The following L1CAM variants were observed in gnomAD, a reference collection of about 807,000 sequenced individuals.
The protein encoded by L1CAM is neural cell adhesion molecule L1.
Under a neutral mutation model 93.0 loss-of-function variants are expected in L1CAM, and 8 were observed. The observed-to-expected ratio is 0.09, with a 90% CI of 0.05 to 0.16. L1CAM has a LOEUF of 0.16. L1CAM is among the 10% of genes least tolerant of loss of function. The pLI, the probability that L1CAM is intolerant of heterozygous loss-of-function variation, is 1.00. For synonymous variants in L1CAM, 453 were observed against 453.0 expected (o/e 1.00, Z 0.00); for missense variants, 777 against 1,073.4 (o/e 0.72, Z 3.86).
At position 153,863,460 on chromosome X, in the gene L1CAM, C is replaced by T. The variant is rs1414585866; in HGVS notation, c.3530+17G>A. On this transcript the variant is annotated intron_variant, in intron 27 of 28. Coordinates refer to ENST00000370060, the MANE Select transcript of L1CAM (RefSeq NM_001278116.2). ...GGGTGGAGCTGAGTGCCAGCACCCA[C>T]TCCTGCCCCGGCTCACCTGTACTCG... 5 of 1,208,563 alleles carry T rather than the reference C, an allele frequency of 4.1e-6. No individual in the cohort carries two copies. The highest frequency in any genetic ancestry group is 4.5e-6 in the Non-Finnish European group (4 of 893,855).
Position 153,864,839 on chromosome X carries a change from C to T in L1CAM, c.3028G>A (p.Gly1010Ser), listed in dbSNP as rs2148493567. 8.2e-7 allele frequency: 1 copy of T among 1,212,366 alleles called. No individual in the cohort carries two copies. Among genetic ancestry groups the T allele is most frequent in the Non-Finnish European group, 1.1e-6 (1 of 895,609 alleles). ...AGCTTACCAGACAAGGCCATAGTGC[C>T]TCCTTCCCGTACGATGGCTTCACCA... ...GPGEAIVREG[G>S]TMALSGISDF... The change falls in exon 23 of 29, where the codon GGC becomes AGC. Residue 1010 changes from glycine to serine, a missense_variant. Physicochemically the swap from Gly to Ser is moderately conservative, Grantham distance 56. This residue lies in a region of L1CAM where 71 missense variants were observed against 77.4 expected (regional missense o/e 0.92). Coordinates refer to ENST00000370060, the MANE Select transcript of L1CAM (RefSeq NM_001278116.2).
rs1209990562 is a variant in L1CAM at position 153,875,640 on chromosome X, C to T, written c.76+121G>A. 5 of 649,529 alleles carry T rather than the reference C, an allele frequency of 7.7e-6. No homozygotes were observed. In the African/African-American group the frequency reaches 1.1e-4, roughly 14 times the overall value. 53.5% of individuals were successfully genotyped at this position (649,529 alleles called of 1,213,427 possible). A position where few individuals can be genotyped will look rare whatever the true frequency, so the allele number is the denominator to read the frequency against. On this transcript the variant is annotated intron_variant, in intron 2 of 28. Coordinates refer to ENST00000370060, the MANE Select transcript of L1CAM (RefSeq NM_001278116.2). ...TGGCTATCTCCTGCCCACCCTGTGC[C>T]CAGGAAAGGCCAGGGAGAGGAGTCA...
intron 1 of L1CAM, among the ~76,000 whole-genome samples, chrX:153,882,159 C>T (rs904886442): frequency 8.9e-6 from 1 of 111,902 alleles, no homozygotes; most frequent in Non-Finnish European, 1.9e-5. Context: ...GGGCCCCACT[C>T]CCGAGGGGTT....
At chrX:153,872,834 G>A in intron 3 of L1CAM, 137 bp from the exon 4 acceptor site, 2 of 543,121 alleles carry the variant, frequency 3.7e-6, no homozygotes, top group Admixed American at 5.3e-5. Flanking sequence ...GAACGGAGGG[G>A]AAGAACAAAA....
At chrX:153,866,328 GAAAGAAAAGA>G (rs1245786285) in intron 19 of L1CAM, among the ~76,000 whole-genome samples, 8 of 95,496 alleles carry the variant, frequency 8.4e-5, no homozygotes, top group South Asian at 4.7e-4. Flanking sequence ...AAAAAAAAAA[GAAAGAAAAGA>G]AAAGAAAAGA....
chrX:153,883,939 C>T (rs1557096317), intron 1 of L1CAM: 1 of 341,137 alleles, frequency 2.9e-6, no homozygotes, highest in Non-Finnish European at 5.9e-6. Flanking sequence ...ACCTGCCAGT[C>T]CTGGCCAGGT....
Position 153,862,719 on chromosome X carries a change from C to A in L1CAM, c.3718G>T (p.Gly1240Cys), listed in dbSNP as rs1209353621. 1.7e-6 allele frequency: 2 copies of A among 1,212,085 alleles called. No individual in the cohort carries two copies. The highest frequency in any genetic ancestry group is 2.2e-6 in the Non-Finnish European group (2 of 895,455). ...GAAGTGGCCCCTGAGCTGTCATTGC[C>A]CCCTGCCGCCTCCTTCTCCTTCTTG... The part of the protein sequence containing the change: ...SGKKEKEAAG[G>C]NDSSGATSPI... Residue 1240 changes from glycine to cysteine, a missense_variant, in exon 29 of 29, where the codon GGC (glycine) becomes TGC (cysteine). By Grantham distance (159) the Gly-to-Cys change is radical (BLOSUM62 -3). This residue lies in a region of L1CAM where 110 missense variants were observed against 141.7 expected (regional missense o/e 0.78). Transcript: ENST00000370060.
intron 3 of L1CAM, 160 bp downstream of exon 3, chrX:153,873,068 A>T (rs1230038092): frequency 1.8e-6 from 1 of 559,345 alleles, no homozygotes; most frequent in African/African-American, 2.2e-5. Flanking sequence ...GCAGAGACAG[A>T]ACAAAGCCAG....
At chrX:153,862,917 C>T (rs782423059) in intron 28 of L1CAM, 23 bp from the exon 29 acceptor site, 11 of 1,140,388 alleles carry the variant, frequency 9.6e-6, no homozygotes, top group East Asian at 6.1e-5. Context: ...AGGGCAGGTG[C>T]GAGTGAGAGC....
Position 153,886,081 on chromosome X carries a change from G to C in L1CAM, c.-125C>G. On this transcript the variant is annotated 5_prime_UTR_variant, in exon 1 of 29. Coordinates refer to ENST00000370060, the MANE Select transcript of L1CAM (RefSeq NM_001278116.2). Reference sequence around the variant, plus strand: ...CCGCCTTACCTGCGCTGCGGCCACCGCTCGGGCTGCCCGCCCAGCCTCCGC... The same window carrying C: ...CCGCCTTACCTGCGCTGCGGCCACCCCTCGGGCTGCCCGCCCAGCCTCCGC... The C allele has an allele frequency of 4.0e-6, 1 of 248,322 alleles. No homozygotes were observed. The highest frequency in any genetic ancestry group is 5.6e-6 in the Non-Finnish European group (1 of 177,748). 20.5% of individuals were successfully genotyped at this position (248,322 alleles called of 1,213,427 possible).
At chrX:153,876,824 T>C (rs2064816761) in intron 1 of L1CAM, among the ~76,000 whole-genome samples, 1 of 108,830 alleles carries the variant, frequency 9.2e-6, no homozygotes, top group African/African-American at 3.4e-5. Context: ...CGGAACCCCG[T>C]CTCTACTAAA....
chrX:153,866,312 C>CAAA lies in L1CAM; in HGVS notation c.2431+334_2431+336dup, dbSNP rs374864697. ...TGGATGACAGAGCAAGACTCCATCT[C>CAAA]AAAAAAAAAAAAAAAGAAAGAAAAG... On this transcript the variant is annotated intron_variant, in intron 19 of 28. Transcript: ENST00000370060. Among the ~76,000 whole-genome samples, 5 of 35,696 alleles carry CAAA rather than the reference C, an allele frequency of 1.4e-4. 1 individual carries two copies. The South Asian group carries it at 8.0e-3, about 57-fold the overall frequency. The allele number at this position is 35,696 out of a possible 115,157, so 31.0% of individuals were successfully genotyped here.
chrX:153,877,129 G>A (rs1415121321), intron 1 of L1CAM, among the ~76,000 whole-genome samples: 3 of 106,968 alleles, frequency 2.8e-5, no homozygotes, highest in African/African-American at 1.0e-4. Context: ...CCAACATGGT[G>A]AAACCCTGTC....
At chrX:153,865,037 C>T (rs782283987) in intron 22 of L1CAM, 43 bp from the exon 23 acceptor site, 32 of 1,210,715 alleles carry the variant, frequency 2.6e-5, no homozygotes, top group African/African-American at 8.7e-5. Context: ...CAGCTCTGCC[C>T]CCTCCCCGTG....
chrX:153,875,065 TAC>T (rs1206862384), intron 2 of L1CAM, among the ~76,000 whole-genome samples: 2 of 111,599 alleles, frequency 1.8e-5, no homozygotes, highest in African/African-American at 3.3e-5. Flanking sequence ...CACACAGACA[TAC>T]ACAGTGTATC....
In L1CAM at chrX:153,862,637, C is replaced by A. The variant is rs1466388753; in HGVS notation, c.*26G>T. 5.3e-6 allele frequency: 6 copies of A among 1,134,336 alleles called. No individual in the cohort carries two copies. The African/African-American group carries it at 7.1e-5, about 13-fold the overall frequency. 93.5% of individuals were successfully genotyped at this position (1,134,336 alleles called of 1,213,427 possible). On this transcript the variant is annotated 3_prime_UTR_variant, in exon 29 of 29. Transcript: ENST00000370060. ...GGGGCCTGGATCCCAAGGCCAGGGG[C>A]ACAGCATCTCCTGTCCTGGACTCCA...
intron 24 of L1CAM, 52 bp downstream of exon 24, chrX:153,864,533 T>G (rs1557090089): frequency 3.3e-6 from 4 of 1,206,765 alleles, no homozygotes; most frequent in African/African-American, 3.5e-5. Flanking sequence ...GCAACCCCTC[T>G]GGCCCAGAGC....
chrX:153,870,266 G>A, intron 8 of L1CAM, 26 bp from the exon 9 acceptor site: 2 of 1,203,458 alleles, frequency 1.7e-6, no homozygotes, highest in Non-Finnish European at 2.3e-6. Context: ...AGGGAAGAGA[G>A]CAGAAGGGAG....
chrX:153,861,817 G>C lies in L1CAM; in HGVS notation c.*846C>G, dbSNP rs200007878. 9.2e-6 allele frequency: 1 copy of C among 109,079 alleles called. No homozygotes were observed. Among genetic ancestry groups the C allele is most frequent in the African/African-American group, 3.3e-5 (1 of 29,858 alleles). The allele number at this position is 109,079 out of a possible 1,213,427, so 9.0% of individuals were successfully genotyped here. On this transcript the variant is annotated 3_prime_UTR_variant, in exon 29 of 29. Transcript: ENST00000370060. ...CAGGGGTACAAACTTTCAAAGTCAC[G>C]GTGTATTTACATTCCCAAGGTGGGG...
Sources: gnomAD v4.1 joint callset for allele counts (sites outside exome capture counted in the v4.1 genomes callset) on GRCh38, gnomAD v4.1.1 for gene constraint, gnomAD v4.1.1 regional missense constraint, MANE v1.5 for transcripts, NCBI Gene and HGNC (gene_info 2026-07-23, HGNC 2026-07-21) for gene names.